NUP155: variants seen among roughly 807,000 people sequenced by gnomAD.
NUP155 encodes nucleoporin 155.
In NUP155, 71 loss-of-function variants were observed where a neutral mutation model predicts 180.4. The observed-to-expected ratio is 0.39, with a 90% CI of 0.33 to 0.48. The LOEUF is 0.48. Ranked by LOEUF, NUP155 falls within the 20% of genes least tolerant of loss-of-function variation. The pLI is 0.91. For missense variants in NUP155, 1,553 were observed against 1,648.9 expected (o/e 0.94, Z 1.01); for synonymous variants, 582 against 559.5 (o/e 1.04, Z -0.57).
In NUP155 at chr5:37,301,491, A is replaced by C. The variant is rs1430941961; in HGVS notation, c.3507T>G (p.Ser1169=). ...GCTGAGAAACTGCATCCTGTACAGAAGAATGATGGGAATACTGCCTTTGTA... is the reference window on the plus strand; with the variant it reads ...GCTGAGAAACTGCATCCTGTACAGACGAATGATGGGAATACTGCCTTTGTA... ...ETLQRQYSHH[S]SVQDAVSQLD... is the part of the protein sequence containing the mutation. Residue 1169 remains serine (S), a synonymous_variant, in exon 30 of 35, where the codon TCT becomes TCG. Coordinates refer to ENST00000231498, the MANE Select transcript of NUP155 (RefSeq NM_153485.3). The C allele has an allele frequency of 1.2e-6, 2 of 1,614,012 alleles. No individual in the cohort carries two copies. Among genetic ancestry groups the C allele is most frequent in the East Asian group, 2.2e-5 (1 of 44,864 alleles).
At chr5:37,314,407 G>A in intron 21 of NUP155, 79 bp from the exon 22 acceptor site, 2 of 1,100,888 alleles carry the variant, frequency 1.8e-6, no homozygotes, top group Non-Finnish European at 2.7e-6. Flanking sequence ...TGTAGTTAAG[G>A]TTGAAATCCC....
intron 4 of NUP155, 65 bp downstream of exon 4, chr5:37,358,016 A>G: frequency 9.1e-7 from 1 of 1,103,650 alleles, no homozygotes; most frequent in Non-Finnish European, 1.4e-6. Context: ...GTTGTTGTTC[A>G]GGTCTATACC....
At chr5:37,316,361 G>A in intron 21 of NUP155, among the ~76,000 whole-genome samples, 1 of 152,220 alleles carries the variant, frequency 6.6e-6, no homozygotes. Context: ...AGGGTACCCA[G>A]AGTTGTAAAA....
At chr5:37,347,579 C>G (rs1241866469) in intron 9 of NUP155, among the ~76,000 whole-genome samples, 1 of 151,680 alleles carries the variant, frequency 6.6e-6, no homozygotes, top group African/African-American at 2.4e-5. Flanking sequence ...GCCTGTAGTC[C>G]CAGCTACTCA....
At chr5:37,295,941 C>T (rs1186283899) in intron 32 of NUP155, among the ~76,000 whole-genome samples, 15 of 149,332 alleles carry the variant, frequency 1.0e-4, no homozygotes, top group South Asian at 4.3e-4. Context: ...TCTGCCCGGC[C>T]GCCCCTACTG....
intron 21 of NUP155, among the ~76,000 whole-genome samples, chr5:37,315,178 G>A (rs1743804222): frequency 6.6e-6 from 1 of 152,252 alleles, no homozygotes; most frequent in Non-Finnish European, 1.5e-5. Context: ...GTTGCAGTAA[G>A]CCAAGATTGT....
intron 1 of NUP155, among the ~76,000 whole-genome samples, chr5:37,367,272 T>C (rs1438322843): frequency 2.0e-5 from 3 of 150,810 alleles, no homozygotes; most frequent in East Asian, 3.9e-4. Flanking sequence ...GCCCAGGCTG[T>C]AGTGCAATGG....
At chr5:37,348,718 T>G in intron 8 of NUP155, 122 bp from the exon 9 acceptor site, 1 of 714,898 alleles carries the variant, frequency 1.4e-6, no homozygotes, top group Non-Finnish European at 2.5e-6. Context: ...ACATTCAGAT[T>G]CGAAATTTCA....
chr5:37,369,201 G>A (rs1008826366), intron 1 of NUP155, among the ~76,000 whole-genome samples: 2 of 151,896 alleles, frequency 1.3e-5, no homozygotes, highest in African/African-American at 2.4e-5. Context: ...GCAATGAGCT[G>A]TGATCATGCC....
rs540123535 is a variant in NUP155 at position 37,336,253 on chromosome 5, G to A, written c.1347+1565C>T. Among the ~76,000 whole-genome samples, 3 of 152,184 alleles carry A rather than the reference G, an allele frequency of 2.0e-5. No individual in the cohort carries two copies. The East Asian group carries it at 5.8e-4, about 29-fold the overall frequency. ...CCCAGCAGTTTGGGAAGCCAAGGTG[G>A]GAGGATCGCTTGAGCCCAGGAGTTC... On this transcript the variant is annotated intron_variant, in intron 12 of 34. Transcript: ENST00000231498.
At chr5:37,302,197 C>T (rs893669454) in intron 29 of NUP155, among the ~76,000 whole-genome samples, 3 of 152,176 alleles carry the variant, frequency 2.0e-5, no homozygotes, top group Non-Finnish European at 2.9e-5. Context: ...ATGTAATCCA[C>T]TTGCTGTTGA....
intron 18 of NUP155, among the ~76,000 whole-genome samples, chr5:37,326,501 G>C (rs758785281): frequency 2.0e-5 from 3 of 152,148 alleles, no homozygotes; most frequent in African/African-American, 4.8e-5. Context: ...AGGCGGAAAA[G>C]TGCATGGTAA....
At chr5:37,305,749 G>A (rs1743118781) in intron 25 of NUP155, among the ~76,000 whole-genome samples, 1 of 151,944 alleles carries the variant, frequency 6.6e-6, no homozygotes, top group Non-Finnish European at 1.5e-5. Context: ...GTGTGCACCT[G>A]TAATCCCAGC....
Position 37,307,376 on chromosome 5 carries a change from G to C in NUP155, c.2824C>G (p.Pro942Ala). The change falls in exon 25 of 35, where the codon CCT becomes GCT. Residue 942 changes from proline to alanine, a missense_variant. Coordinates refer to ENST00000231498, the MANE Select transcript of NUP155 (RefSeq NM_153485.3). ...TAGAAATGAAGCCCAAGACCTTGAG[G>C]ATCTTTTTTCTCTGCAGCCGTAAGA... ...LSLTAAEKKD[P>A]QGLGLHFYKH... is the part of the protein sequence containing the mutation. The C allele has an allele frequency of 1.2e-6, 2 of 1,613,764 alleles. No homozygotes were observed. Among genetic ancestry groups the C allele is most frequent in the Non-Finnish European group, 1.7e-6 (2 of 1,179,764 alleles).
At chr5:37,314,373 A>G in intron 21 of NUP155, 45 bp from the exon 22 acceptor site, 1 of 1,434,382 alleles carries the variant, frequency 7.0e-7, no homozygotes. Flanking sequence ...ACATAGGTTA[A>G]GTTGCTTTAT....
chr5:37,353,228 G>C (rs541302504), intron 4 of NUP155, among the ~76,000 whole-genome samples: 1 of 151,762 alleles, frequency 6.6e-6, no homozygotes, highest in South Asian at 2.1e-4. Context: ...AGTGTCCATC[G>C]ATAGATGCAT....
intron 9 of NUP155, among the ~76,000 whole-genome samples, chr5:37,345,865 C>G (rs1746047736): frequency 6.9e-6 from 1 of 145,774 alleles, no homozygotes; most frequent in South Asian, 2.1e-4. Flanking sequence ...GACTGCAACA[C>G]TGCACTCCAG....
chr5:37,336,103 T>A, intron 12 of NUP155, among the ~76,000 whole-genome samples: 1 of 152,206 alleles, frequency 6.6e-6, no homozygotes, highest in East Asian at 1.9e-4. Context: ...TTGATGAGTT[T>A]TTTTGTTAAA....
chr5:37,353,263 T>TACAC (rs535855129), intron 4 of NUP155, among the ~76,000 whole-genome samples: 10 of 151,506 alleles, frequency 6.6e-5, no homozygotes, highest in African/African-American at 2.4e-4. Flanking sequence ...TATATATATA[T>TACAC]ACACACACAC....
Sources: gnomAD v4.1 joint callset for allele counts (sites outside exome capture counted in the v4.1 genomes callset) on GRCh38, gnomAD v4.1.1 for gene constraint, MANE v1.5 for transcripts, NCBI Gene and HGNC (gene_info 2026-07-23, HGNC 2026-07-21) for gene names.